SHANK2: variants seen among roughly 807,000 people sequenced by gnomAD.
The protein encoded by SHANK2 is SH3 and multiple ankyrin repeat domains protein 2.
Under a neutral mutation model 133.7 loss-of-function variants are expected in SHANK2, and 43 were observed. The ratio of observed to expected loss-of-function variants is 0.32; its 90% CI spans 0.25 to 0.41. The LOEUF is 0.41. Among genes scored for constraint, SHANK2 ranks in the 10% least tolerant of loss-of-function variants. The pLI, the probability that SHANK2 is intolerant of heterozygous loss-of-function variation, is 1.00. For missense variants in SHANK2, 1,994 were observed against 2,235.8 expected (o/e 0.89, Z 2.18); for synonymous variants, 1,017 against 952.8 (o/e 1.07, Z -1.24).
chr11:71,172,961 A>G (rs782471861), intron 2 of SHANK2, among the ~76,000 whole-genome samples: 24 of 152,228 alleles, frequency 1.6e-4, no homozygotes, highest in Middle Eastern at 3.2e-3. Context: ...TGCATTTCAA[A>G]GTGCTCTGGC....
chr11:70,627,609 T>G (rs555248482), intron 17 of SHANK2, among the ~76,000 whole-genome samples: 1 of 152,388 alleles, frequency 6.6e-6, no homozygotes, highest in Admixed American at 6.5e-5. Flanking sequence ...TTTTGGATTT[T>G]GGAATATTTG....
Position 70,487,098 on chromosome 11 carries a change from C to G in SHANK2, c.3195G>C (p.Gln1065His), listed in dbSNP as rs1555154173. The change falls in exon 25 of 26, where the codon CAG becomes CAC. Residue 1065 changes from glutamine to histidine, a missense_variant. Around this residue, in one of 5 missense-constraint regions of SHANK2, gnomAD observed 488 missense variants for 642.6 expected, o/e 0.76. Transcript: ENST00000601538. This position sits in a 1 kb window ranked among gnomAD's most constrained non-coding sequence, Gnocchi z 5.8. ...IDPQAPEPPS[Q>H]LRPDESLTVS... ...CGGTCAGGCTTTCGTCAGGCCGCAG[C>G]TGGCTCGGTGGCTCCGGGGCCTGGG... 5 of 1,610,906 alleles carry G rather than the reference C, an allele frequency of 3.1e-6. No homozygotes were observed. The South Asian group carries it at 4.4e-5, about 14-fold the overall frequency.
At chr11:70,902,773 C>G (rs1197170648) in intron 10 of SHANK2, among the ~76,000 whole-genome samples, 1 of 152,070 alleles carries the variant, frequency 6.6e-6, no homozygotes, top group Non-Finnish European at 1.5e-5. Context: ...CTGACAAAGC[C>G]CCCTGCAAGA....
chr11:71,137,118 C>T (rs1238079106), intron 3 of SHANK2, among the ~76,000 whole-genome samples: 1 of 152,122 alleles, frequency 6.6e-6, no homozygotes, highest in Non-Finnish European at 1.5e-5. Flanking sequence ...CCACCTCAGC[C>T]TCCCACAGTG....
intron 2 of SHANK2, among the ~76,000 whole-genome samples, chr11:71,167,695 G>A (rs868911066): frequency 8.1e-4 from 118 of 144,960 alleles, no homozygotes; most frequent in African/African-American, 2.9e-3. Context: ...CCTCCTGGAC[G>A]GAGCGGCTGG....
chr11:70,720,904 T>A (rs535765781), intron 14 of SHANK2, among the ~76,000 whole-genome samples: 1 of 152,370 alleles, frequency 6.6e-6, no homozygotes, highest in South Asian at 2.1e-4. Context: ...TACACACATG[T>A]TGGGGAGGAA....
intron 17 of SHANK2, among the ~76,000 whole-genome samples, chr11:70,509,133 C>A (rs1554968881): frequency 6.6e-6 from 1 of 152,208 alleles, no homozygotes; most frequent in East Asian, 1.9e-4. Flanking sequence ...TGAAGCTGCC[C>A]ACCTGCAGTG....
At chr11:70,586,209 G>A (rs1463328132) in intron 17 of SHANK2, among the ~76,000 whole-genome samples, 15 of 152,090 alleles carry the variant, frequency 9.9e-5, no homozygotes, top group South Asian at 2.1e-4. Context: ...ACTGAATGTC[G>A]CCCAGGAGTC....
intron 2 of SHANK2, among the ~76,000 whole-genome samples, chr11:71,216,600 C>T (rs908623329): frequency 2.3e-4 from 35 of 152,186 alleles, no homozygotes; most frequent in Non-Finnish European, 1.0e-4. Flanking sequence ...AATACAGCCA[C>T]GTGCTGCTGT....
At position 70,618,057 on chromosome 11, in the gene SHANK2, G is replaced by A. The variant is rs114260642; in HGVS notation, c.2061+41771C>T. The stretch of plus-strand genomic sequence containing the variant: ...TCACGCTTGGAATCTCAGCACTTTG[G>A]GGGGCGAGGCAGGTGGATCACTTGA... On this transcript the variant is annotated intron_variant, in intron 17 of 25. Transcript: ENST00000601538. 2.6e-5 allele frequency among the ~76,000 whole-genome samples: 4 copies of A among 152,060 alleles called. No homozygotes were observed. In the East Asian group the frequency reaches 5.8e-4, roughly 22 times the overall value.
intron 3 of SHANK2, among the ~76,000 whole-genome samples, chr11:71,122,675 C>T (rs1477017289): frequency 1.6e-4 from 25 of 152,184 alleles, no homozygotes; most frequent in South Asian, 4.2e-4. Flanking sequence ...AATCTGGACA[C>T]GGCATCATGC....
chr11:70,658,750 G>A (rs2061443411), intron 17 of SHANK2, among the ~76,000 whole-genome samples: 1 of 152,132 alleles, frequency 6.6e-6, no homozygotes, highest in South Asian at 2.1e-4. Flanking sequence ...AATGATCACG[G>A]GTAGCCCTCT....
intron 10 of SHANK2, among the ~76,000 whole-genome samples, chr11:70,898,775 T>A (rs186054383): frequency 6.6e-6 from 1 of 152,348 alleles, no homozygotes; most frequent in East Asian, 1.9e-4. Flanking sequence ...ATTCTCAGTC[T>A]ATCCATACGG....
intron 2 of SHANK2, among the ~76,000 whole-genome samples, chr11:71,203,610 A>G (rs1954065595): frequency 1.3e-5 from 2 of 152,160 alleles, no homozygotes; most frequent in Admixed American, 1.3e-4. Context: ...AAAAAAAAGA[A>G]AAGAAAGAAA....
chr11:70,790,098 T>G (rs1947756152), intron 14 of SHANK2, among the ~76,000 whole-genome samples: 1 of 152,258 alleles, frequency 6.6e-6, no homozygotes, highest in East Asian at 1.9e-4. Flanking sequence ...CGGAAATATT[T>G]TATCTTTGTT....
chr11:71,077,608 T>G (rs1951238722), intron 8 of SHANK2, among the ~76,000 whole-genome samples: 1 of 152,206 alleles, frequency 6.6e-6, no homozygotes, highest in African/African-American at 2.4e-5. Context: ...GTAATTTTTT[T>G]TTTTTAAGTG....
rs2059828450 is a variant in SHANK2 at position 70,556,292 on chromosome 11, G to A, written c.2062-53361C>T. Among the ~76,000 whole-genome samples, 5 of 152,242 alleles carry A rather than the reference G, an allele frequency of 3.3e-5. No individual in the cohort carries two copies. In the South Asian group the frequency reaches 1.0e-3, roughly 32 times the overall value. On this transcript the variant is annotated intron_variant, in intron 17 of 25. Transcript: ENST00000601538. ...CAGTTTGTTTGACCACTCACCTACT[G>A]AAGGACATCCAGGCTACATCCAGTT... is the stretch of plus-strand genomic sequence containing the variant.
intron 11 of SHANK2, among the ~76,000 whole-genome samples, chr11:70,835,234 G>A (rs1018808277): frequency 2.0e-4 from 30 of 152,204 alleles, no homozygotes; most frequent in Non-Finnish European, 2.6e-4. Context: ...GGCGTGCAAT[G>A]GCTTACGGGC....
At chr11:70,530,365 AT>A (rs2059451759) in intron 17 of SHANK2, among the ~76,000 whole-genome samples, 1 of 152,076 alleles carries the variant, frequency 6.6e-6, no homozygotes, top group Non-Finnish European at 1.5e-5. Flanking sequence ...GTGAGACACC[AT>A]TTCTACAAAA....
Sources: allele counts gnomAD v4.1 joint callset (sites outside exome capture counted in the v4.1 genomes callset), GRCh38; gene constraint gnomAD v4.1.1; regional missense constraint gnomAD v4.1.1; non-coding constraint Gnocchi (gnomAD v3.1); transcripts MANE v1.5; gene names NCBI Gene and HGNC (gene_info 2026-07-23, HGNC 2026-07-21).